The following NUP35 variants were observed in gnomAD, a reference collection of about 807,000 sequenced individuals.
NUP35 encodes nucleoporin NUP35.
In NUP35, 25 loss-of-function variants were observed where a neutral mutation model predicts 41.5. The observed-to-expected ratio is 0.60, with a 90% CI of 0.44 to 0.84. The LOEUF is 0.84. Among genes scored for constraint, NUP35 ranks in the 40% least tolerant of loss-of-function variants. The pLI is 0.00. For missense variants in NUP35, 396 were observed against 396.6 expected, an observed-to-expected ratio of 1.00 and a Z score of 0.01; for synonymous variants, 149 against 130.7, an observed-to-expected ratio of 1.14 and a Z score of -0.96.
chr2:183,137,556 A>G (rs1221663410), intron 4 of NUP35, among the ~76,000 whole-genome samples: 1 of 152,208 alleles, frequency 6.6e-6, no homozygotes, highest in African/African-American at 2.4e-5. Context: ...ACTGCATTCC[A>G]ACCTGGGTGA....
In NUP35 at chr2:183,133,634, C is replaced by G; in HGVS notation, c.397+11C>G. ...CTACTCCTGGAACAGGTAAGTGATT[C>G]TTTCTTTTTTTTTTTTTTTTTAAAA... On this transcript the variant is annotated intron_variant, in intron 4 of 8. Transcript: ENST00000295119. 2 of 1,405,418 alleles carry G rather than the reference C, an allele frequency of 1.4e-6. No individual in the cohort carries two copies. Among genetic ancestry groups the G allele is most frequent in the Non-Finnish European group, 1.9e-6 (2 of 1,061,218 alleles). The allele number at this position is 1,405,418 out of a possible 1,614,324, so 87.1% of individuals were successfully genotyped here. A position where few individuals can be genotyped will look rare whatever the true frequency, so the allele number is the denominator to read the frequency against.
intron 4 of NUP35, among the ~76,000 whole-genome samples, chr2:183,142,742 A>G (rs1454992806): frequency 2.0e-5 from 3 of 151,908 alleles, no homozygotes; most frequent in Non-Finnish European, 4.4e-5. Context: ...AGCCTCCCAA[A>G]GTGCTGGGAC....
chr2:183,147,662 G>C (rs1685327604), intron 4 of NUP35, among the ~76,000 whole-genome samples: 1 of 152,076 alleles, frequency 6.6e-6, no homozygotes. Context: ...TGGCTATTTG[G>C]GCTCTTCTTG....
At chr2:183,138,875 C>G (rs1684985952) in intron 4 of NUP35, among the ~76,000 whole-genome samples, 1 of 152,102 alleles carries the variant, frequency 6.6e-6, no homozygotes, top group African/African-American at 2.4e-5. Context: ...ATGCAAGGAC[C>G]TCAGAGTTTT....
chr2:183,120,812 T>C (rs2105524346), upstream of NUP35, among the ~76,000 whole-genome samples: 1 of 152,244 alleles, frequency 6.6e-6, no homozygotes, highest in African/African-American at 2.4e-5. Context: ...TTCTAAGAGA[T>C]GGAAAGAAAA....
At chr2:183,148,486 A>G (rs901965207) in intron 4 of NUP35, among the ~76,000 whole-genome samples, 4 of 152,164 alleles carry the variant, frequency 2.6e-5, no homozygotes, top group Non-Finnish European at 5.9e-5. Context: ...TTTGTTTAAC[A>G]ATAGCCATTC....
At chr2:183,158,164 A>C (rs1685738826) in intron 6 of NUP35, 119 bp from the exon 7 acceptor site, 1 of 698,672 alleles carries the variant, frequency 1.4e-6, no homozygotes, top group African/African-American at 1.8e-5. Context: ...GCTTTTTACA[A>C]GGCATCAAAT....
rs916549427 is a variant in NUP35 at position 183,159,858 on chromosome 2, A to AT, written c.903+208dup. On this transcript the variant is annotated intron_variant, in intron 8 of 8. Coordinates refer to ENST00000295119, the MANE Select transcript of NUP35 (RefSeq NM_138285.5). ...AGTTATCATGAATTAAAAAAAAAAA[A>AT]TTATTTGCCATTCCTTTAAATTTTT... 2,955 of 412,872 alleles carry AT rather than the reference A, an allele frequency of 7.2e-3. 3 individuals are homozygous for AT. Among genetic ancestry groups the AT allele is most frequent in the African/African-American group, 0.01 (497 of 48,186 alleles). 25.6% of individuals were successfully genotyped at this position (412,872 alleles called of 1,614,324 possible).
chr2:183,146,315 T>C lies in NUP35; in HGVS notation c.398-5193T>C, dbSNP rs1044539271. On this transcript the variant is annotated intron_variant, in intron 4 of 8. Transcript: ENST00000295119. ...GTTCCTAGACTCCTTTGAATTCAAA[T>C]TTAGAAACTAGAACTAATCTAATTT... Among the ~76,000 whole-genome samples the C allele has an allele frequency of 7.9e-5, 12 of 152,342 alleles. No homozygotes were observed. The East Asian group carries it at 2.1e-3, about 27-fold the overall frequency.
In NUP35 at chr2:183,151,557, A is replaced by T. The variant is rs763470790; in HGVS notation, c.447A>T (p.Thr149=). 1.1e-5 allele frequency: 18 copies of T among 1,613,946 alleles called. No homozygotes were observed. Among genetic ancestry groups the T allele is most frequent in the Admixed American group, 1.7e-5 (1 of 60,012 alleles). The stretch of plus-strand genomic sequence containing the variant: ...GTATCGGTCAGCCACGAAAGACGAC[A>T]TTATCTCCTGCCCAGTTGGATCCTT... ...PASIGQPRKT[T]LSPAQLDPFY... The change falls in exon 5 of 9, where the codon ACA becomes ACT. Residue 149 remains threonine, a synonymous_variant. Transcript: ENST00000295119.
At chr2:183,155,346 T>A (rs1482608237) in intron 5 of NUP35, among the ~76,000 whole-genome samples, 1 of 152,234 alleles carries the variant, frequency 6.6e-6, no homozygotes, top group Non-Finnish European at 1.5e-5. Context: ...TTTGCTTTTG[T>A]CCCAAGCTAG....
chr2:183,138,702 T>C (rs1162814688), intron 4 of NUP35, among the ~76,000 whole-genome samples: 1 of 152,170 alleles, frequency 6.6e-6, no homozygotes, highest in African/African-American at 2.4e-5. Context: ...TCCTTTATAT[T>C]TTTTATTACT....
chr2:183,157,377 T>A, intron 5 of NUP35, 67 bp from the exon 6 acceptor site: 2 of 1,109,296 alleles, frequency 1.8e-6, no homozygotes, highest in Non-Finnish European at 2.8e-6. Context: ...AAACATTATC[T>A]TGTAGTAATT....
intron 4 of NUP35, among the ~76,000 whole-genome samples, chr2:183,149,992 C>T (rs1023468438): frequency 6.6e-6 from 1 of 151,962 alleles, no homozygotes; most frequent in Non-Finnish European, 1.5e-5. Context: ...CTGCAACCTC[C>T]GCCTCCCGGG....
rs777704224 is a variant in NUP35, at chr2:183,158,351, C to T, written c.678C>T (p.Ser226=). The T allele has an allele frequency of 6.2e-7, 1 of 1,608,698 alleles. No individual in the cohort carries two copies. Among genetic ancestry groups the T allele is most frequent in the Admixed American group, 1.7e-5 (1 of 59,704 alleles). ...QSKLQARKAL[S]KDGRIFGESI... ...AACTGCAGGCTCGGAAAGCCTTAAG[C>T]AAAGATGGGAGGATTTTTGGAGAAT... The change falls in exon 7 of 9, where the codon AGC becomes AGT. Residue 226 remains serine, a synonymous_variant. Transcript: ENST00000295119.
At chr2:183,127,278 A>T (rs1575112031) in intron 1 of NUP35, among the ~76,000 whole-genome samples, 1 of 144,614 alleles carries the variant, frequency 6.9e-6, no homozygotes, top group African/African-American at 2.5e-5. Context: ...TGATTCTTTA[A>T]TTTTTTTTTT....
At chr2:183,122,114 G>C (rs1335336781), upstream of NUP35, among the ~76,000 whole-genome samples, 1 of 148,188 alleles carries the variant, frequency 6.7e-6, no homozygotes, top group Non-Finnish European at 1.5e-5. Context: ...GTCTCGCTCT[G>C]TCGCCAGGCT....
chr2:183,135,685 A>G (rs1277615495), intron 4 of NUP35, among the ~76,000 whole-genome samples: 1 of 152,162 alleles, frequency 6.6e-6, no homozygotes, highest in Non-Finnish European at 1.5e-5. Flanking sequence ...AAGATGGAAC[A>G]TAAGAAACAA....
chr2:183,129,039 CAG>C (rs1195124672), intron 2 of NUP35, among the ~76,000 whole-genome samples: 1 of 151,958 alleles, frequency 6.6e-6, no homozygotes, highest in Non-Finnish European at 1.5e-5. Flanking sequence ...GAGTGCCTCA[CAG>C]AGTTGATGAA....
Sources: allele counts gnomAD v4.1 joint callset (sites outside exome capture counted in the v4.1 genomes callset), GRCh38; gene constraint gnomAD v4.1.1; transcripts MANE v1.5; gene names NCBI Gene and HGNC (gene_info 2026-07-23, HGNC 2026-07-21).